NEBL: variants seen among roughly 807,000 people sequenced by gnomAD.
The protein encoded by NEBL is LIM and SH3 protein 2.
A neutral mutation model predicts 140.2 loss-of-function variants in NEBL; 122 were observed. The observed-to-expected ratio is 0.87, with a 90% CI of 0.75 to 1.01. The LOEUF (loss-of-function observed/expected upper bound fraction) is 1.01. Ranked by LOEUF, NEBL falls within the 50% of genes least tolerant of loss-of-function variation. The pLI, the probability that NEBL is intolerant of heterozygous loss-of-function variation, is 0.00. For synonymous variants in NEBL, 436 were observed against 398.9 expected (o/e 1.09, Z -1.11); for missense variants, 1,365 against 1,231.3 (o/e 1.11, Z -1.62).
intron 2 of NEBL, among the ~76,000 whole-genome samples, chr10:21,119,697 A>T (rs1190726462): frequency 6.6e-6 from 1 of 152,042 alleles, no homozygotes; most frequent in African/African-American, 2.4e-5. Context: ...ACATTCTCTT[A>T]TATATGCATA....
intron 4 of NEBL, among the ~76,000 whole-genome samples, chr10:20,914,961 T>C (rs1159193204): frequency 1.5e-5 from 2 of 136,402 alleles, no homozygotes; most frequent in Admixed American, 1.7e-4. Flanking sequence ...GCCTCCCAAG[T>C]GGCTGGGATT....
intron 3 of NEBL, among the ~76,000 whole-genome samples, chr10:20,970,601 A>G (rs575270658): frequency 2.6e-4 from 40 of 152,262 alleles, no homozygotes; most frequent in Middle Eastern, 6.8e-3. Context: ...GTGAGCTGTG[A>G]TCATGCCACT....
intron 2 of NEBL, among the ~76,000 whole-genome samples, chr10:21,122,705 C>T (rs1023507255): frequency 2.6e-5 from 4 of 152,080 alleles, no homozygotes; most frequent in African/African-American, 9.7e-5. Flanking sequence ...TGCAAAAATC[C>T]TCAGTGTCTG....
chr10:21,078,818 A>C (rs1278842056), intron 2 of NEBL, among the ~76,000 whole-genome samples: 1 of 152,210 alleles, frequency 6.6e-6, no homozygotes, highest in East Asian at 1.9e-4. Context: ...AAAGCACTAG[A>C]AGTTGCAGTC....
chr10:21,292,462 G>T (rs1223359592), intron 1 of NEBL, among the ~76,000 whole-genome samples: 1 of 152,154 alleles, frequency 6.6e-6, no homozygotes, highest in African/African-American at 2.4e-5. Flanking sequence ...TATGGCTGGG[G>T]TTGAAATAAA....
chr10:20,809,077 A>G (rs541835651), intron 25 of NEBL, among the ~76,000 whole-genome samples: 15 of 152,328 alleles, frequency 9.8e-5, no homozygotes, highest in South Asian at 6.2e-4. Flanking sequence ...AAGTGACTAT[A>G]AAAGTACTAG....
At chr10:20,974,238 G>A (rs1366627847) in intron 3 of NEBL, among the ~76,000 whole-genome samples, 1 of 150,990 alleles carries the variant, frequency 6.6e-6, no homozygotes, top group Non-Finnish European at 1.5e-5. Flanking sequence ...AAAGACCATC[G>A]CTTAGTTTTT....
intron 3 of NEBL, among the ~76,000 whole-genome samples, chr10:20,977,866 A>G (rs1238621271): frequency 6.6e-6 from 1 of 152,230 alleles, no homozygotes; most frequent in Non-Finnish European, 1.5e-5. Context: ...TACTAAATAC[A>G]GCCCCGGTTT....
At chr10:20,978,442 C>T (rs774936756) in intron 3 of NEBL, among the ~76,000 whole-genome samples, 4 of 144,278 alleles carry the variant, frequency 2.8e-5, no homozygotes, top group East Asian at 2.1e-4. Flanking sequence ...AAAAAAAAAA[C>T]GAGTTATTTG....
At chr10:21,267,163 A>G (rs532539161) in intron 1 of NEBL, among the ~76,000 whole-genome samples, 1 of 152,052 alleles carries the variant, frequency 6.6e-6, no homozygotes, top group South Asian at 2.1e-4. Flanking sequence ...TTTAATAAAG[A>G]TGGGGTTTCA....
upstream of NEBL, among the ~76,000 whole-genome samples, chr10:21,176,742 A>G (rs569965065): frequency 2.0e-5 from 3 of 152,274 alleles, no homozygotes; most frequent in African/African-American, 7.2e-5. Context: ...TTTAATTTCA[A>G]TCCTTTTCCG....
At chr10:21,079,263 TGAG>T (rs1438277444) in intron 2 of NEBL, among the ~76,000 whole-genome samples, 1 of 151,706 alleles carries the variant, frequency 6.6e-6, no homozygotes, top group East Asian at 1.9e-4. Flanking sequence ...AGAAAGAAAA[TGAG>T]GAGGTGAAGA....
At chr10:21,196,761 T>C (rs921958818) in intron 3 of NEBL, among the ~76,000 whole-genome samples, 2 of 152,222 alleles carry the variant, frequency 1.3e-5, no homozygotes, top group African/African-American at 4.8e-5. Context: ...AGAACTCTTC[T>C]GAACAATTCA....
chr10:21,045,831 T>A (rs1402534091), intron 2 of NEBL, among the ~76,000 whole-genome samples: 1 of 152,142 alleles, frequency 6.6e-6, no homozygotes, highest in African/African-American at 2.4e-5. Flanking sequence ...TAAAATAGAA[T>A]TACTATGTAA....
intron 3 of NEBL, among the ~76,000 whole-genome samples, chr10:21,013,828 A>T (rs1589136574): frequency 6.6e-6 from 1 of 152,318 alleles, no homozygotes; most frequent in Non-Finnish European, 1.5e-5. Context: ...CAGTGAACTG[A>T]GATCGTGCCA....
chr10:21,159,505 C>A (rs1235980667), intron 2 of NEBL, among the ~76,000 whole-genome samples: 1 of 152,218 alleles, frequency 6.6e-6, no homozygotes, highest in Non-Finnish European at 1.5e-5. Flanking sequence ...TCGACCAATT[C>A]TTTTCCAAAT....
At chr10:21,083,052 G>T (rs1007635748) in intron 2 of NEBL, among the ~76,000 whole-genome samples, 5 of 152,148 alleles carry the variant, frequency 3.3e-5, no homozygotes, top group African/African-American at 4.8e-5. Flanking sequence ...GTAAGCCAGC[G>T]CACTTGACCT....
At chr10:21,131,890 A>G (rs1839129117) in intron 2 of NEBL, among the ~76,000 whole-genome samples, 1 of 152,176 alleles carries the variant, frequency 6.6e-6, no homozygotes, top group African/African-American at 2.4e-5. Flanking sequence ...TATTTTTTGA[A>G]TGGTCAATGC....
At chr10:21,118,509 A>C (rs1017079332) in intron 2 of NEBL, among the ~76,000 whole-genome samples, 7 of 152,120 alleles carry the variant, frequency 4.6e-5, no homozygotes, top group Non-Finnish European at 5.9e-5. Context: ...TTAATGTTCT[A>C]TTGACTTATA....
Sources: gnomAD v4.1 joint callset for allele counts (sites outside exome capture counted in the v4.1 genomes callset) on GRCh38, gnomAD v4.1.1 for gene constraint, MANE v1.5 for transcripts, NCBI Gene and HGNC (gene_info 2026-07-23, HGNC 2026-07-21) for gene names.